Variants in RBM25 observed in about 807,000 individuals in gnomAD.
RBM25 encodes the protein RNA-binding protein 25.
Under a neutral mutation model 120.7 loss-of-function variants are expected in RBM25, and 19 were observed. That is an observed-to-expected ratio of 0.16 (90% confidence interval 0.11 to 0.23). RBM25 has a LOEUF of 0.23. Among genes scored for constraint, RBM25 ranks in the 10% least tolerant of loss-of-function variants. RBM25 has a pLI of 1.00. For synonymous variants in RBM25, 390 were observed against 326.7 expected, an observed-to-expected ratio of 1.19 and a Z score of -2.09; for missense variants, 605 against 1,041.5, an observed-to-expected ratio of 0.58 and a Z score of 5.77.
At position 73,123,409 on chromosome 14, in the gene RBM25, G is replaced by A. The variant is rs1265344724; in HGVS notation, c.*3604G>A. The A allele has an allele frequency of 6.6e-6, 1 of 152,096 alleles. No homozygotes were observed. The highest frequency in any genetic ancestry group is 2.4e-5 in the African/African-American group (1 of 41,410). The allele number at this position is 152,096 out of a possible 1,614,324, so 9.4% of individuals were successfully genotyped here. A position where few individuals can be genotyped will look rare whatever the true frequency, so the allele number is the denominator to read the frequency against. The stretch of plus-strand genomic sequence containing the variant: ...CCAAAAGACTGCTGAGAGGTTTTAT[G>A]TCAAATTGATTACAAACTTCTCTGG... On this transcript the variant is annotated 3_prime_UTR_variant, in exon 19 of 19. Coordinates refer to ENST00000261973, the MANE Select transcript of RBM25 (RefSeq NM_021239.3).
chr14:73,076,609 A>C (rs7144160), intron 3 of RBM25, among the ~76,000 whole-genome samples: 128,590 of 152,152 alleles, frequency 0.85, 54,752 homozygotes, highest in African/African-American at 0.9. Flanking sequence ...TCCTGTTACT[A>C]TCTAGACTCT....
intron 17 of RBM25, among the ~76,000 whole-genome samples, chr14:73,113,631 A>C (rs1594936979): frequency 6.6e-6 from 1 of 151,862 alleles, no homozygotes; most frequent in Admixed American, 6.6e-5. Context: ...GCGGAGGTTG[A>C]AGTGAGCTGT....
chr14:73,073,564 G>C (rs1188911494), intron 2 of RBM25, among the ~76,000 whole-genome samples: 3 of 152,146 alleles, frequency 2.0e-5, no homozygotes, highest in African/African-American at 7.2e-5. Context: ...TGGCTCAGGC[G>C]TGAATCCCAG....
intron 6 of RBM25, among the ~76,000 whole-genome samples, chr14:73,090,213 G>C (rs1895780473): frequency 6.6e-6 from 1 of 151,892 alleles, no homozygotes; most frequent in African/African-American, 2.4e-5. Flanking sequence ...ACCACCCCCA[G>C]CTAATTTTTA....
intron 6 of RBM25, among the ~76,000 whole-genome samples, chr14:73,092,901 G>T (rs148844212): frequency 6.6e-6 from 1 of 152,142 alleles, no homozygotes; most frequent in South Asian, 2.1e-4. Flanking sequence ...TTGCGCATGT[G>T]TAAGGTGTCT....
intron 6 of RBM25, among the ~76,000 whole-genome samples, chr14:73,089,368 T>G (rs972271515): frequency 1.3e-5 from 2 of 151,946 alleles, no homozygotes; most frequent in African/African-American, 4.8e-5. Flanking sequence ...TGTTTTTTGT[T>G]TTTTTTGAGA....
chr14:73,073,375 AT>A (rs1246972823), intron 2 of RBM25, among the ~76,000 whole-genome samples: 2 of 152,114 alleles, frequency 1.3e-5, no homozygotes, highest in East Asian at 3.8e-4. Context: ...CACTTCAAGA[AT>A]TTGGGGAAAA....
chr14:73,066,288 A>T (rs1022757072), intron 1 of RBM25, among the ~76,000 whole-genome samples: 3 of 152,174 alleles, frequency 2.0e-5, no homozygotes, highest in Admixed American at 6.6e-5. Flanking sequence ...ATATGTACTG[A>T]TAACCTACCT....
chr14:73,097,051 A>T lies in RBM25; in HGVS notation c.680A>T (p.Gln227Leu). 11 of 1,613,666 alleles carry T rather than the reference A, an allele frequency of 6.8e-6. No homozygotes were observed. Among genetic ancestry groups the T allele is most frequent in the Non-Finnish European group, 8.5e-6 (10 of 1,179,882 alleles). ...TCCAGTGAGCTAAATGCCCCCTCAC[A>T]GGAATCTGATTCTCACCCCAGGAAG... ...EYSSELNAPS[Q>L]ESDSHPRKKK... The change falls in exon 7 of 19, where the codon CAG (glutamine) becomes CTG (leucine). Residue 227 changes from glutamine (Q) to leucine (L), a missense_variant. By Grantham distance (113) the Gln-to-Leu change is moderately radical. This residue lies in a region of RBM25 where 465 missense variants were observed against 741.6 expected (regional missense o/e 0.63). Transcript: ENST00000261973.
At chr14:73,083,340 A>G (rs1298608292) in intron 4 of RBM25, among the ~76,000 whole-genome samples, 154 bp from the exon 5 acceptor site, 2 of 152,122 alleles carry the variant, frequency 1.3e-5, no homozygotes, top group Non-Finnish European at 2.9e-5. Context: ...TCATGTGATA[A>G]GTTTGTGGGA....
intron 4 of RBM25, among the ~76,000 whole-genome samples, chr14:73,079,256 C>T (rs1895500650): frequency 6.6e-6 from 1 of 150,502 alleles, no homozygotes; most frequent in Non-Finnish European, 1.5e-5. Context: ...AACCCCATCT[C>T]TACTAAAAAT....
intron 9 of RBM25, 157 bp from the exon 10 acceptor site, chr14:73,103,035 T>A: frequency 6.9e-7 from 1 of 1,439,594 alleles, no homozygotes; most frequent in South Asian, 1.4e-5. Context: ...AGTCTTGTGA[T>A]TGCTTCAGTT....
In RBM25 at chr14:73,093,827, G is replaced by GA. The variant is rs78896103; in HGVS notation, c.544-3081dup. Among the ~76,000 whole-genome samples the GA allele has an allele frequency of 2.1e-3, 307 of 149,562 alleles. 5 individuals carry two copies. The East Asian group carries it at 0.051, about 25-fold the overall frequency. ...CGGCCATCTGGTTTCTGAAGTATAAGAAAAAAACAGGAAATCAGAAAATCG... is the reference window on the plus strand; with the variant it reads ...CGGCCATCTGGTTTCTGAAGTATAAGAAAAAAAACAGGAAATCAGAAAATCG... On this transcript the variant is annotated intron_variant, in intron 6 of 18. Transcript: ENST00000261973.
In RBM25 at chr14:73,123,201, A is replaced by T. The variant is rs1189210995; in HGVS notation, c.*3396A>T. 6.6e-6 allele frequency: 1 copy of T among 151,952 alleles called. No homozygotes were observed. Among genetic ancestry groups the T allele is most frequent in the African/African-American group, 2.4e-5 (1 of 41,360 alleles). The allele number at this position is 151,952 out of a possible 1,614,324, so 9.4% of individuals were successfully genotyped here. ...GGTATTAATCTGCCATGAATACTAG[A>T]TATAGTAGAAAAACTGAGAAAACAT... On this transcript the variant is annotated 3_prime_UTR_variant, in exon 19 of 19. Coordinates refer to ENST00000261973, the MANE Select transcript of RBM25 (RefSeq NM_021239.3).
chr14:73,103,480 T>TAAGG lies in RBM25; in HGVS notation c.1154+3_1154+6dup. The TAAGG allele has an allele frequency of 6.3e-7, 1 of 1,576,880 alleles. No homozygotes were observed. Among genetic ancestry groups the TAAGG allele is most frequent in the South Asian group, 1.2e-5 (1 of 84,778 alleles). ...TAATAAGGATCGCAGTCGATCAAGGTAAGGCTTTACAGAAGTTACTGTTTC... is the reference window on the plus strand; with the variant it reads ...TAATAAGGATCGCAGTCGATCAAGGTAAGGAAGGCTTTACAGAAGTTACTGTTTC... On this transcript the variant is annotated splice_region_variant and intron_variant, in intron 10 of 18. Coordinates refer to ENST00000261973, the MANE Select transcript of RBM25 (RefSeq NM_021239.3).
Position 73,086,452 on chromosome 14 carries a change from A to C in RBM25, c.383-1549A>C, listed in dbSNP as rs977776809. Among the ~76,000 whole-genome samples the C allele has an allele frequency of 7.9e-5, 12 of 151,516 alleles. No individual in the cohort carries two copies. The South Asian group carries it at 2.3e-3, about 29-fold the overall frequency. On this transcript the variant is annotated intron_variant, in intron 5 of 18. Transcript: ENST00000261973. ...ACTCCGTCTAAAAAAAAAAAAAAAC[A>C]AAACAGTGGTTTGGTGTTTGCTTTT...
rs1342551408 is a variant in RBM25 at position 73,121,903 on chromosome 14, T to C, written c.*2098T>C. ...ACAGGACCTCAACTAAATATATGAA[T>C]TTGTGCAAGTTCATATATTAAAGTT... On this transcript the variant is annotated 3_prime_UTR_variant, in exon 19 of 19. Transcript: ENST00000261973. 1 of 152,196 alleles carries C rather than the reference T, an allele frequency of 6.6e-6. No individual in the cohort carries two copies. Among genetic ancestry groups the C allele is most frequent in the Non-Finnish European group, 1.5e-5 (1 of 68,032 alleles). The allele number at this position is 152,196 out of a possible 1,614,324, so 9.4% of individuals were successfully genotyped here. A position where few individuals can be genotyped will look rare whatever the true frequency, so the allele number is the denominator to read the frequency against.
chr14:73,068,042 G>A, intron 1 of RBM25: 1 of 420,722 alleles, frequency 2.4e-6, no homozygotes. Context: ...CTGGGGTGCA[G>A]CGCACACTGG....
Position 73,071,106 on chromosome 14 carries a change from G to A in RBM25, c.-15-521G>A, listed in dbSNP as rs192837289. Among the ~76,000 whole-genome samples the A allele has an allele frequency of 2.0e-4, 30 of 152,104 alleles. No individual in the cohort carries two copies. In the East Asian group the frequency reaches 5.6e-3, roughly 28 times the overall value. ...AAAATACAAAAATTAGCTGGGCGTG[G>A]TGGTACGCTCCTGTAGTCCCAGCTA... On this transcript the variant is annotated intron_variant, in intron 1 of 18. Transcript: ENST00000261973.
Sources: gnomAD v4.1 joint callset for allele counts (sites outside exome capture counted in the v4.1 genomes callset) on GRCh38, gnomAD v4.1.1 for gene constraint, gnomAD v4.1.1 regional missense constraint, MANE v1.5 for transcripts, NCBI Gene and HGNC (gene_info 2026-07-23, HGNC 2026-07-21) for gene names.